Variants in R3HDM1 observed in about 807,000 individuals in gnomAD.
R3HDM1 encodes the protein R3H domain-containing protein 1.
R3HDM1 carries 46 observed loss-of-function variants against 141.1 expected under a neutral mutation model. The observed-to-expected ratio is 0.33, with a 90% CI of 0.26 to 0.42. The LOEUF (loss-of-function observed/expected upper bound fraction) is 0.42, where lower values mean the gene tolerates loss of function less well. Ranked by LOEUF, R3HDM1 falls within the 10% of genes least tolerant of loss-of-function variation. R3HDM1 has a pLI of 1.00. For synonymous variants in R3HDM1, 435 were observed against 472.9 expected (o/e 0.92, Z 1.04); for missense variants, 1,184 against 1,368.3 (o/e 0.87, Z 2.12).
intron 1 of R3HDM1, among the ~76,000 whole-genome samples, chr2:135,596,804 T>G (rs2059233710): frequency 6.6e-6 from 1 of 152,218 alleles, no homozygotes; most frequent in African/African-American, 2.4e-5. Flanking sequence ...GTTTTCCTAT[T>G]AATACAACAT....
At position 135,651,788 on chromosome 2, in the gene R3HDM1, A is replaced by G; in HGVS notation, c.1784A>G (p.Asp595Gly). Residue 595 changes from aspartate to glycine, a missense_variant, in exon 18 of 27, where the codon GAT becomes GGT. By Grantham distance (94) the Asp-to-Gly change is moderately conservative. Transcript: ENST00000683871. ...AGTCTTGCTCGCCAGCCATCTGCTGATGGTTCTGACCCTCATGCCGCCATG... is the reference window on the plus strand; with the variant it reads ...AGTCTTGCTCGCCAGCCATCTGCTGGTGGTTCTGACCCTCATGCCGCCATG... The part of the protein sequence containing the change: ...HMSLARQPSA[D>G]GSDPHAAMFQ... 2 of 1,613,830 alleles carry G rather than the reference A, an allele frequency of 1.2e-6. No homozygotes were observed. The highest frequency in any genetic ancestry group is 2.2e-5 in the South Asian group (2 of 91,016).
intron 1 of R3HDM1, among the ~76,000 whole-genome samples, chr2:135,601,340 A>G (rs912804504): frequency 7.2e-5 from 11 of 152,162 alleles, no homozygotes; most frequent in African/African-American, 2.7e-4. Context: ...GTGAAAAGTA[A>G]TGTAAGGATA....
At chr2:135,591,583 A>G (rs1050722609) in intron 1 of R3HDM1, among the ~76,000 whole-genome samples, 1 of 152,226 alleles carries the variant, frequency 6.6e-6, no homozygotes, top group African/African-American at 2.4e-5. Flanking sequence ...CATGCTATGA[A>G]CAAAGCACAA....
chr2:135,675,464 A>G lies in R3HDM1; in HGVS notation c.2285A>G (p.Tyr762Cys), dbSNP rs2069013905. 7 of 1,613,694 alleles carry G rather than the reference A, an allele frequency of 4.3e-6. No homozygotes were observed. Among genetic ancestry groups the G allele is most frequent in the African/African-American group, 1.3e-5 (1 of 74,920 alleles). Residue 762 changes from tyrosine to cysteine, a missense_variant, in exon 20 of 27, where the codon TAT becomes TGT. Around this residue, in one of 5 missense-constraint regions of R3HDM1, gnomAD observed 563 missense variants for 562.0 expected, o/e 1.00. Transcript: ENST00000683871. ...CAGATTCAAGGAGTGGTCATCCCCT[A>G]TACTTCAGTGCCAACATATCAGGTA... ...GNQIQGVVIP[Y>C]TSVPTYQVSL... is the part of the protein sequence containing the mutation.
intron 21 of R3HDM1, among the ~76,000 whole-genome samples, chr2:135,707,911 C>G (rs757137502): frequency 1.3e-5 from 2 of 152,164 alleles, no homozygotes; most frequent in Non-Finnish European, 2.9e-5. Context: ...TTGAACCGCT[C>G]TGAGTTACTG....
intron 21 of R3HDM1, among the ~76,000 whole-genome samples, chr2:135,685,451 A>G (rs537035333): frequency 1.6e-4 from 25 of 152,364 alleles, no homozygotes; most frequent in African/African-American, 6.0e-4. Flanking sequence ...TTGTAGGAGC[A>G]TATCATGTCT....
chr2:135,598,334 A>G (rs2059361884), intron 1 of R3HDM1, among the ~76,000 whole-genome samples: 1 of 152,208 alleles, frequency 6.6e-6, no homozygotes, highest in Non-Finnish European at 1.5e-5. Context: ...GTGACCATTA[A>G]TACAAAGTTA....
chr2:135,577,934 G>A (rs1166462564), intron 1 of R3HDM1, among the ~76,000 whole-genome samples: 1 of 151,708 alleles, frequency 6.6e-6, no homozygotes, highest in Non-Finnish European at 1.5e-5. Context: ...CTAATTCTGT[G>A]CAAGGCACCT....
chr2:135,539,175 A>ATT (rs553051478), intron 1 of R3HDM1, among the ~76,000 whole-genome samples: 1 of 150,282 alleles, frequency 6.7e-6, no homozygotes, highest in Admixed American at 6.7e-5. Flanking sequence ...TTAACTTCTG[A>ATT]TTTTTTTTTT....
intron 9 of R3HDM1, among the ~76,000 whole-genome samples, chr2:135,635,555 A>G (rs578157770): frequency 1.3e-5 from 2 of 152,296 alleles, no homozygotes; most frequent in Non-Finnish European, 2.9e-5. Context: ...TATAATTCCC[A>G]TTTTACAAAT....
intron 1 of R3HDM1, among the ~76,000 whole-genome samples, chr2:135,560,596 T>A (rs1439071718): frequency 6.6e-6 from 1 of 152,202 alleles, no homozygotes; most frequent in East Asian, 1.9e-4. Flanking sequence ...ACAGGCTCTT[T>A]CTGAATCTTT....
At chr2:135,615,793 C>G (rs1259603569) in intron 3 of R3HDM1, among the ~76,000 whole-genome samples, 1 of 152,108 alleles carries the variant, frequency 6.6e-6, no homozygotes, top group Admixed American at 6.5e-5. Context: ...TTTTCCTTAA[C>G]CTTGGCTAAA....
intron 16 of R3HDM1, among the ~76,000 whole-genome samples, chr2:135,649,516 A>G (rs1414944540): frequency 2.6e-5 from 4 of 152,142 alleles, no homozygotes; most frequent in Non-Finnish European, 4.4e-5. Flanking sequence ...TATACTGCAA[A>G]ATAGGGCAAC....
intron 3 of R3HDM1, among the ~76,000 whole-genome samples, chr2:135,608,854 A>G (rs930815516): frequency 6.6e-6 from 1 of 152,230 alleles, no homozygotes; most frequent in African/African-American, 2.4e-5. Context: ...AAAATCAGCT[A>G]CCATGAATAT....
intron 7 of R3HDM1, 95 bp from the exon 8 acceptor site, chr2:135,631,623 G>A: frequency 2.1e-6 from 2 of 949,378 alleles, no homozygotes; most frequent in Non-Finnish European, 3.0e-6. Flanking sequence ...AGTTTTTAGG[G>A]GGTGAAATTT....
chr2:135,709,913 A>G, intron 22 of R3HDM1, 146 bp from the exon 23 acceptor site: 1 of 780,242 alleles, frequency 1.3e-6, no homozygotes, highest in Non-Finnish European at 2.0e-6. Flanking sequence ...TTGTAGTGTG[A>G]TGCACTAGGG....
chr2:135,616,792 G>A, intron 5 of R3HDM1, 35 bp downstream of exon 5: 1 of 1,482,664 alleles, frequency 6.7e-7, no homozygotes, highest in South Asian at 1.2e-5. Context: ...TTCAAGACAT[G>A]GTGGAACTGG....
rs775595659 is a variant in R3HDM1, at chr2:135,675,367, C to G, written c.2188C>G (p.Gln730Glu). ...QVIPNQQQNY[Q>E]GIVGVQQPQS... ...TATACCCAACCAGCAGCAAAACTACCAAGGAATAGTTGGAGTTCAGCAACC... is the reference window on the plus strand; with the variant it reads ...TATACCCAACCAGCAGCAAAACTACGAAGGAATAGTTGGAGTTCAGCAACC... Residue 730 changes from glutamine (Q) to glutamate (E), a missense_variant, in exon 20 of 27, where the codon CAA (glutamine) becomes GAA (glutamate). By Grantham distance (29) the Gln-to-Glu change is conservative (BLOSUM62 2). Transcript: ENST00000683871. 6.2e-7 allele frequency: 1 copy of G among 1,613,694 alleles called. No individual in the cohort carries two copies. The highest frequency in any genetic ancestry group is 8.5e-7 in the Non-Finnish European group (1 of 1,179,806).
chr2:135,579,963 T>C (rs531150478), intron 1 of R3HDM1, among the ~76,000 whole-genome samples: 3 of 152,240 alleles, frequency 2.0e-5, no homozygotes, highest in African/African-American at 4.8e-5. Context: ...AAAACATCTT[T>C]AAAAATAGGG....
Sources: gnomAD v4.1 joint callset for allele counts (sites outside exome capture counted in the v4.1 genomes callset) on GRCh38, gnomAD v4.1.1 for gene constraint, gnomAD v4.1.1 regional missense constraint, MANE v1.5 for transcripts, NCBI Gene and HGNC (gene_info 2026-07-23, HGNC 2026-07-21) for gene names.